SCHIP1: variants seen among roughly 807,000 people sequenced by gnomAD.
SCHIP1 encodes schwannomin-interacting protein 1.
Under a neutral mutation model 29.7 loss-of-function variants are expected in SCHIP1, and 8 were observed. The observed-to-expected ratio is 0.27, with a 90% confidence interval of 0.16 to 0.49. The LOEUF (loss-of-function observed/expected upper bound fraction) is 0.49, where lower values mean the gene tolerates loss of function less well. SCHIP1 is among the 20% of genes least tolerant of loss of function. The pLI is 0.99. For synonymous variants in SCHIP1, 76 were observed against 94.9 expected (o/e 0.80, Z 1.16); for missense variants, 193 against 294.6 (o/e 0.66, Z 2.52).
At chr3:159,805,808 CTTTT>C in the SCHIP1 span, among the ~76,000 whole-genome samples, 4 of 139,170 alleles carry the variant, frequency 2.9e-5, no homozygotes, top group Non-Finnish European at 4.7e-5. Context: ...AATTGTACTC[CTTTT>C]TTTTTTTTTT....
chr3:159,457,162 T>C, the SCHIP1 span, among the ~76,000 whole-genome samples: 2 of 152,306 alleles, frequency 1.3e-5, no homozygotes, highest in East Asian at 3.9e-4. Flanking sequence ...TGGATGTGTT[T>C]ACTGATGACC....
At chr3:159,404,331 T>G in the SCHIP1 span, among the ~76,000 whole-genome samples, 2 of 152,114 alleles carry the variant, frequency 1.3e-5, no homozygotes, top group African/African-American at 4.8e-5. Flanking sequence ...AAGTGGACTC[T>G]TGGGATGTCT....
At chr3:159,762,145 C>A in the SCHIP1 span, among the ~76,000 whole-genome samples, 4 of 152,226 alleles carry the variant, frequency 2.6e-5, no homozygotes, top group Admixed American at 2.6e-4. Flanking sequence ...CAGGGCTCCA[C>A]AGCAATCTCA....
the SCHIP1 span, among the ~76,000 whole-genome samples, chr3:159,455,379 A>T: frequency 6.6e-6 from 1 of 152,248 alleles, no homozygotes; most frequent in South Asian, 2.1e-4. Flanking sequence ...ATCTACCTAT[A>T]GACCCAGATG....
the SCHIP1 span, among the ~76,000 whole-genome samples, chr3:159,804,293 C>T: frequency 6.6e-6 from 1 of 152,200 alleles, no homozygotes; most frequent in Non-Finnish European, 1.5e-5. Flanking sequence ...GAGGCCTGTT[C>T]TCTCTGTCAG....
the SCHIP1 span, chr3:159,765,028 C>T: frequency 7.1e-6 from 11 of 1,542,648 alleles, no homozygotes; most frequent in East Asian, 2.5e-4. Context: ...CCCCGAAGAG[C>T]CCCCGGTGCC....
chr3:159,308,627 A>G, the SCHIP1 span, among the ~76,000 whole-genome samples: 2 of 152,208 alleles, frequency 1.3e-5, no homozygotes, highest in Admixed American at 1.3e-4. Flanking sequence ...AACTTAAAAC[A>G]GGGCTACCAT....
chr3:159,653,879 G>A, the SCHIP1 span, among the ~76,000 whole-genome samples: 3 of 151,890 alleles, frequency 2.0e-5, no homozygotes, highest in African/African-American at 7.3e-5. Context: ...TATTTAAGGT[G>A]ATGGATATCC....
chr3:159,740,783 A>AAAAAAAAAAAAAAAC, the SCHIP1 span, among the ~76,000 whole-genome samples: 1 of 150,772 alleles, frequency 6.6e-6, no homozygotes, highest in African/African-American at 2.4e-5. Flanking sequence ...AAAAAAAAAA[A>AAAAAAAAAAAAAAAC]AAAAAAAAGA....
chr3:159,635,006 T>C, the SCHIP1 span, among the ~76,000 whole-genome samples: 1 of 152,166 alleles, frequency 6.6e-6, no homozygotes, highest in Non-Finnish European at 1.5e-5. Flanking sequence ...TAGCCAGCCC[T>C]GCTTACAACC....
chr3:159,340,237 T>C, the SCHIP1 span, among the ~76,000 whole-genome samples: 3 of 152,018 alleles, frequency 2.0e-5, no homozygotes, highest in African/African-American at 4.8e-5. Context: ...TAAATAAGAA[T>C]AGAATAGATG....
At position 159,851,162 on chromosome 3, in the gene SCHIP1, T is replaced by A. The variant is rs188994707; in HGVS notation, c.30+10948T>A. 2.0e-3 allele frequency among the ~76,000 whole-genome samples: 297 copies of A among 152,234 alleles called. 1 individual carries two copies. The Middle Eastern group carries it at 0.024, about 12-fold the overall frequency. On this transcript the variant is annotated intron_variant, in intron 1 of 6. Coordinates refer to ENST00000445224, the Ensembl canonical transcript of SCHIP1. ...TAGTGGTGCACTCCTATAGTCCCTA[T>A]ACTATCTAGTCCCAGCTATTCAGAA...
chr3:159,829,935 T>A, the SCHIP1 span, among the ~76,000 whole-genome samples: 1 of 152,370 alleles, frequency 6.6e-6, no homozygotes. Flanking sequence ...CTGTCTTATC[T>A]TGTTTATAAT....
At chr3:159,364,613 A>G in the SCHIP1 span, among the ~76,000 whole-genome samples, 1 of 152,182 alleles carries the variant, frequency 6.6e-6, no homozygotes, top group Non-Finnish European at 1.5e-5. Flanking sequence ...AATTACCTCA[A>G]TTCTACTGTC....
At chr3:159,426,130 G>T in the SCHIP1 span, among the ~76,000 whole-genome samples, 1 of 151,938 alleles carries the variant, frequency 6.6e-6, no homozygotes, top group Non-Finnish European at 1.5e-5. Context: ...ACAATTAAAA[G>T]AACTAGAAAA....
At chr3:159,645,205 G>A in the SCHIP1 span, among the ~76,000 whole-genome samples, 1 of 152,102 alleles carries the variant, frequency 6.6e-6, no homozygotes, top group African/African-American at 2.4e-5. Flanking sequence ...GAGAAGCCAC[G>A]GCTCTGGCAC....
At chr3:159,424,558 C>T in the SCHIP1 span, among the ~76,000 whole-genome samples, 1 of 152,298 alleles carries the variant, frequency 6.6e-6, no homozygotes, top group East Asian at 1.9e-4. Flanking sequence ...ACCAAATCTA[C>T]ATCTAACTGG....
chr3:159,588,855 G>T, the SCHIP1 span, among the ~76,000 whole-genome samples: 2 of 152,266 alleles, frequency 1.3e-5, no homozygotes, highest in Admixed American at 6.5e-5. Context: ...ATGCTGTTTT[G>T]GTTACTGTAG....
the SCHIP1 span, among the ~76,000 whole-genome samples, chr3:159,733,855 A>G: frequency 1.3e-5 from 2 of 152,158 alleles, no homozygotes; most frequent in Non-Finnish European, 1.5e-5. Flanking sequence ...TACTGAAAAG[A>G]AAGATCTGTT....
Sources: allele counts gnomAD v4.1 joint callset (sites outside exome capture counted in the v4.1 genomes callset), GRCh38; gene constraint gnomAD v4.1.1; transcripts MANE v1.5; gene names NCBI Gene and HGNC (gene_info 2026-07-23, HGNC 2026-07-21).